CALB1: variants seen among roughly 807,000 people sequenced by gnomAD.
CALB1 encodes calbindin 1.
Under a neutral mutation model 46.7 loss-of-function variants are expected in CALB1, and 16 were observed. That is an observed-to-expected ratio of 0.34 (90% CI 0.23 to 0.52). CALB1 has a LOEUF of 0.52. Among genes scored for constraint, CALB1 ranks in the 20% least tolerant of loss-of-function variants. The pLI, the probability that CALB1 is intolerant of heterozygous loss-of-function variation, is 0.95. For synonymous variants in CALB1, 90 were observed against 112.8 expected (o/e 0.80, Z 1.28); for missense variants, 224 against 300.3 (o/e 0.75, Z 1.88).
intron 2 of CALB1, among the ~76,000 whole-genome samples, chr8:90,079,526 G>T (rs1466454660): frequency 6.6e-6 from 1 of 151,898 alleles, no homozygotes; most frequent in Non-Finnish European, 1.5e-5. Flanking sequence ...AGGTCCTACA[G>T]TTTTTTTATT....
At chr8:90,060,586 C>T (rs1180971650) in intron 10 of CALB1, 43 bp downstream of exon 10, 14 of 1,490,368 alleles carry the variant, frequency 9.4e-6, no homozygotes, top group East Asian at 9.0e-5. Context: ...GATGGATCCA[C>T]AGAGTCTGCT....
intron 3 of CALB1, 136 bp from the exon 4 acceptor site, chr8:90,069,373 C>A: frequency 1.5e-6 from 1 of 685,754 alleles, no homozygotes; most frequent in Admixed American, 2.3e-5. Flanking sequence ...ACATTAGAGT[C>A]GGCTTTCCCT....
At position 90,068,999 on chromosome 8, in the gene CALB1, T is replaced by G; in HGVS notation, c.371A>C (p.Lys124Thr). ...HSGFIETEEL[K>T]NFLKDLLEKA... Reference sequence around the variant, plus strand: ...TAGTACAAGTTTTTATTTGCTTACCTTAAGCTCCTCAGTTTCTATGAAGCC... The same window carrying G: ...TAGTACAAGTTTTTATTTGCTTACCGTAAGCTCCTCAGTTTCTATGAAGCC... The change falls in exon 5 of 11, where the codon AAG becomes ACG. Residue 124 changes from lysine (K) to threonine (T), a missense_variant and splice_region_variant. Lys to Thr is a moderately conservative substitution (Grantham distance 78, BLOSUM62 -1). Coordinates refer to ENST00000265431, the MANE Select transcript of CALB1 (RefSeq NM_004929.4). The G allele has an allele frequency of 6.2e-7, 1 of 1,609,704 alleles. No homozygotes were observed. Among genetic ancestry groups the G allele is most frequent in the East Asian group, 2.2e-5 (1 of 44,848 alleles).
chr8:90,070,741 A>T (rs1183561534), intron 3 of CALB1, among the ~76,000 whole-genome samples: 1 of 152,130 alleles, frequency 6.6e-6, no homozygotes, highest in Non-Finnish European at 1.5e-5. Context: ...GTAGATGATA[A>T]TATATCTAAA....
chr8:90,063,267 A>G lies in CALB1; in HGVS notation c.546+14T>C, dbSNP rs1563674063. The G allele has an allele frequency of 6.3e-7, 1 of 1,588,574 alleles. No homozygotes were observed. The highest frequency in any genetic ancestry group is 1.3e-5 in the African/African-American group (1 of 74,408). On this transcript the variant is annotated intron_variant, in intron 8 of 10. Coordinates refer to ENST00000265431, the MANE Select transcript of CALB1 (RefSeq NM_004929.4). ...CAAGGAAAATATTATTTAAGGTAGT[A>G]AAAAGTTAAGTACCTGGAATTTAAG...
intron 3 of CALB1, among the ~76,000 whole-genome samples, chr8:90,072,773 G>A (rs1028990170): frequency 5.5e-4 from 83 of 152,184 alleles, no homozygotes; most frequent in African/African-American, 1.5e-3. Flanking sequence ...AGTCACTGCT[G>A]TTTATAGAAG....
intron 3 of CALB1, among the ~76,000 whole-genome samples, chr8:90,078,159 T>C (rs961751327): frequency 5.9e-5 from 9 of 152,062 alleles, no homozygotes; most frequent in Admixed American, 3.3e-4. Flanking sequence ...TTTTGTAATA[T>C]ATGAAATTTA....
intron 8 of CALB1, 58 bp downstream of exon 8, chr8:90,063,223 C>G: frequency 6.6e-7 from 1 of 1,523,450 alleles, no homozygotes; most frequent in Non-Finnish European, 9.1e-7. Context: ...CTTGACAAGT[C>G]TCCCACATTC....
intron 6 of CALB1, among the ~76,000 whole-genome samples, chr8:90,065,432 T>A (rs1348454538): frequency 6.6e-6 from 1 of 151,758 alleles, no homozygotes; most frequent in Non-Finnish European, 1.5e-5. Context: ...CCATTTTAAC[T>A]TGCTTAATTA....
intron 3 of CALB1, among the ~76,000 whole-genome samples, chr8:90,071,029 G>A (rs1814506082): frequency 6.6e-6 from 1 of 152,134 alleles, no homozygotes; most frequent in African/African-American, 2.4e-5. Flanking sequence ...AATTGAGGAT[G>A]CTAAGGCCCA....
intron 5 of CALB1, among the ~76,000 whole-genome samples, chr8:90,067,174 C>T (rs933113916): frequency 1.3e-5 from 2 of 152,160 alleles, no homozygotes; most frequent in East Asian, 3.9e-4. Context: ...ACAAAAATAG[C>T]CTCGGAGAAA....
intron 9 of CALB1, 97 bp downstream of exon 9, chr8:90,063,003 T>C: frequency 1.3e-6 from 1 of 768,708 alleles, no homozygotes; most frequent in Non-Finnish European, 2.2e-6. Context: ...TCTCTATAGT[T>C]TGCAGTACTG....
intron 6 of CALB1, 47 bp from the exon 7 acceptor site, chr8:90,063,508 T>G: frequency 6.7e-7 from 1 of 1,487,772 alleles, no homozygotes; most frequent in East Asian, 2.3e-5. Flanking sequence ...GAATAATTTA[T>G]TGCATGAAGG....
chr8:90,081,685 T>C (rs1010266259), intron 2 of CALB1, among the ~76,000 whole-genome samples: 1 of 152,094 alleles, frequency 6.6e-6, no homozygotes, highest in Non-Finnish European at 1.5e-5. Context: ...AGTACTAGTA[T>C]AGAATATATA....
intron 6 of CALB1, chr8:90,064,063 C>T (rs1266485274): frequency 6.6e-6 from 1 of 151,662 alleles, no homozygotes; most frequent in Non-Finnish European, 1.5e-5. Context: ...TAGATAGTAG[C>T]AACTATTGCT....
chr8:90,072,330 T>C (rs910306443), intron 3 of CALB1, among the ~76,000 whole-genome samples: 1 of 152,226 alleles, frequency 6.6e-6, no homozygotes, highest in African/African-American at 2.4e-5. Context: ...GCTCTTCATG[T>C]CTACTATAAA....
Position 90,060,108 on chromosome 8 carries a change from C to T in CALB1, c.*65G>A. 1.1e-6 allele frequency: 1 copy of T among 895,950 alleles called. No homozygotes were observed. Among genetic ancestry groups the T allele is most frequent in the East Asian group, 2.4e-5 (1 of 41,616 alleles). 55.5% of individuals were successfully genotyped at this position (895,950 alleles called of 1,614,324 possible). On this transcript the variant is annotated 3_prime_UTR_variant, in exon 11 of 11. Transcript: ENST00000265431. ...ATATAAAAGAAAATACAGCCTACTCCCTTATAGTGCACAGTTATTTTTTAG... is the reference window on the plus strand; with the variant it reads ...ATATAAAAGAAAATACAGCCTACTCTCTTATAGTGCACAGTTATTTTTTAG...
chr8:90,082,169 C>T, intron 1 of CALB1, 67 bp from the exon 2 acceptor site: 1 of 1,388,956 alleles, frequency 7.2e-7, no homozygotes, highest in Non-Finnish European at 1.0e-6. Flanking sequence ...GTTCACTTTC[C>T]AAGACAGTTA....
intron 3 of CALB1, among the ~76,000 whole-genome samples, chr8:90,076,345 A>G (rs1443329506): frequency 6.6e-6 from 1 of 152,054 alleles, no homozygotes; most frequent in Non-Finnish European, 1.5e-5. Context: ...GTTTGGGGGA[A>G]CATGGCTGGG....
Sources: gnomAD v4.1 joint callset for allele counts (sites outside exome capture counted in the v4.1 genomes callset) on GRCh38, gnomAD v4.1.1 for gene constraint, MANE v1.5 for transcripts, NCBI Gene and HGNC (gene_info 2026-07-23, HGNC 2026-07-21) for gene names.